CAMK2D: variants seen among roughly 807,000 people sequenced by gnomAD.
CAMK2D encodes calcium/calmodulin dependent protein kinase II delta.
A neutral mutation model predicts 84.0 loss-of-function variants in CAMK2D; 37 were observed. The ratio of observed to expected loss-of-function variants is 0.44; its 90% CI spans 0.34 to 0.58. The LOEUF is 0.58. Among genes scored for constraint, CAMK2D ranks in the 20% least tolerant of loss-of-function variants. The pLI, the probability that CAMK2D is intolerant of heterozygous loss-of-function variation, is 0.02. For synonymous variants in CAMK2D, 202 were observed against 212.5 expected (o/e 0.95, Z 0.43); for missense variants, 448 against 652.5 (o/e 0.69, Z 3.41).
intron 2 of CAMK2D, among the ~76,000 whole-genome samples, chr4:113,743,090 T>G (rs1297860234): frequency 2.0e-5 from 3 of 152,204 alleles, no homozygotes; most frequent in African/African-American, 7.2e-5. Context: ...GACATCATTC[T>G]GGCCGTTATT....
chr4:113,607,040 A>C (rs142756624), intron 4 of CAMK2D, among the ~76,000 whole-genome samples: 275 of 152,264 alleles, frequency 1.8e-3, no homozygotes, highest in African/African-American at 5.6e-3. Flanking sequence ...CAAAAATATC[A>C]TTCAGGAATA....
chr4:113,500,215 A>G (rs1410553475), intron 16 of CAMK2D, among the ~76,000 whole-genome samples: 9 of 152,112 alleles, frequency 5.9e-5, no homozygotes, highest in Non-Finnish European at 1.0e-4. Flanking sequence ...CATTACTGCA[A>G]TGTGCTAGAA....
intron 2 of CAMK2D, among the ~76,000 whole-genome samples, chr4:113,720,736 A>G (rs1338849317): frequency 1.3e-5 from 2 of 151,996 alleles, no homozygotes; most frequent in East Asian, 3.9e-4. Context: ...CTATCCTTTC[A>G]AGCAGAACCA....
chr4:113,492,405 T>C (rs2097856766), intron 16 of CAMK2D, among the ~76,000 whole-genome samples: 1 of 152,248 alleles, frequency 6.6e-6, no homozygotes, highest in South Asian at 2.1e-4. Flanking sequence ...ATGTACCCAG[T>C]AGTCATTCAG....
intron 5 of CAMK2D, 57 bp from the exon 6 acceptor site, chr4:113,547,773 A>T: frequency 8.8e-7 from 1 of 1,135,004 alleles, no homozygotes; most frequent in South Asian, 1.4e-5. Flanking sequence ...CACTGTCTGT[A>T]TACCCTCAGA....
In CAMK2D at chr4:113,661,789, CAG is replaced by C. The variant is rs767905663; in HGVS notation, c.161-19_161-18del. On this transcript the variant is annotated intron_variant, in intron 2 of 20. Coordinates refer to ENST00000511664, the MANE Select transcript of CAMK2D (RefSeq NM_001321571.2). Reference sequence around the variant, plus strand: ...TCTGATGATCTGTTAAAAAAAAAAACAGAATAAGGCAAAAATAAAGCAAAAAA... The same window carrying C: ...TCTGATGATCTGTTAAAAAAAAAAACAATAAGGCAAAAATAAAGCAAAAAA... 4 of 1,288,482 alleles carry C rather than the reference CAG, an allele frequency of 3.1e-6. No individual in the cohort carries two copies. The highest frequency in any genetic ancestry group is 2.9e-5 in the South Asian group (2 of 68,638). 79.8% of individuals were successfully genotyped at this position (1,288,482 alleles called of 1,614,324 possible).
At chr4:113,681,950 G>A (rs2099347200) in intron 2 of CAMK2D, among the ~76,000 whole-genome samples, 1 of 151,754 alleles carries the variant, frequency 6.6e-6, no homozygotes, top group African/African-American at 2.4e-5. Context: ...CCAGCACAAA[G>A]TATGTCTGTA....
chr4:113,706,335 T>C (rs1263188684), intron 2 of CAMK2D, among the ~76,000 whole-genome samples: 3 of 152,070 alleles, frequency 2.0e-5, no homozygotes, highest in Non-Finnish European at 4.4e-5. Context: ...AAAATGAAAA[T>C]GGTAGGTGCA....
intron 2 of CAMK2D, among the ~76,000 whole-genome samples, chr4:113,748,434 T>C (rs1406735456): frequency 2.0e-5 from 3 of 152,108 alleles, no homozygotes; most frequent in Admixed American, 6.6e-5. Context: ...TGATATTTAA[T>C]CCTCTAACCC....
chr4:113,713,686 T>A (rs1457150983), intron 2 of CAMK2D, among the ~76,000 whole-genome samples: 1 of 151,426 alleles, frequency 6.6e-6, no homozygotes, highest in East Asian at 1.9e-4. Context: ...ACAACTTCAA[T>A]CAATTCTTAT....
At chr4:113,650,069 G>C (rs1050402070) in intron 3 of CAMK2D, among the ~76,000 whole-genome samples, 1 of 151,842 alleles carries the variant, frequency 6.6e-6, no homozygotes, top group African/African-American at 2.4e-5. Flanking sequence ...CAGAGTGACA[G>C]AGTGAGACTT....
intron 1 of CAMK2D, among the ~76,000 whole-genome samples, chr4:113,760,352 G>A (rs988933290): frequency 2.0e-5 from 3 of 152,154 alleles, no homozygotes; most frequent in Admixed American, 2.0e-4. Context: ...AGAACGCAAA[G>A]ATGCACACGT....
At chr4:113,501,554 A>G (rs2098046031) in intron 15 of CAMK2D, among the ~76,000 whole-genome samples, 1 of 152,080 alleles carries the variant, frequency 6.6e-6, no homozygotes, top group African/African-American at 2.4e-5. Flanking sequence ...ATTTATATAA[A>G]TATCATATAC....
chr4:113,559,765 C>T (rs994386250), intron 4 of CAMK2D, among the ~76,000 whole-genome samples: 7 of 152,182 alleles, frequency 4.6e-5, no homozygotes, highest in African/African-American at 1.7e-4. Flanking sequence ...GAAAAATGAG[C>T]ATTTATTTAG....
At chr4:113,740,864 AG>A (rs1169704180) in intron 2 of CAMK2D, among the ~76,000 whole-genome samples, 1 of 152,196 alleles carries the variant, frequency 6.6e-6, no homozygotes, top group Non-Finnish European at 1.5e-5. Flanking sequence ...TTGCTTTCTG[AG>A]GTTTCAGCTA....
chr4:113,469,622 T>A (rs2097523460), intron 16 of CAMK2D, among the ~76,000 whole-genome samples: 1 of 152,292 alleles, frequency 6.6e-6, no homozygotes, highest in Admixed American at 6.5e-5. Context: ...GTCAAGGCTA[T>A]TTTTGAGCCT....
At chr4:113,755,209 A>ACACACAC (rs1562246672) in intron 2 of CAMK2D, 2 of 173,794 alleles carry the variant, frequency 1.2e-5, no homozygotes, top group African/African-American at 7.0e-5. Context: ...CACACACACA[A>ACACACAC]AACATTTAGA....
At chr4:113,681,884 T>C (rs1171328376) in intron 2 of CAMK2D, among the ~76,000 whole-genome samples, 1 of 152,072 alleles carries the variant, frequency 6.6e-6, no homozygotes, top group Non-Finnish European at 1.5e-5. Context: ...AAAAACAGCC[T>C]TTTCCAGTTC....
Position 113,760,987 on chromosome 4 carries a change from C to A in CAMK2D, c.65+17G>T, listed in dbSNP as rs1252752151. ...AGCTGGAAAGGGGATATGCGGATGCCGGGCAAAGGTGCTTACTTTCCAAGC... is the reference window on the plus strand; with the variant it reads ...AGCTGGAAAGGGGATATGCGGATGCAGGGCAAAGGTGCTTACTTTCCAAGC... On this transcript the variant is annotated intron_variant, in intron 1 of 20. Transcript: ENST00000511664. The A allele has an allele frequency of 1.2e-6, 2 of 1,614,104 alleles. No homozygotes were observed. The highest frequency in any genetic ancestry group is 1.7e-6 in the Non-Finnish European group (2 of 1,179,998).
Sources: allele counts gnomAD v4.1 joint callset (sites outside exome capture counted in the v4.1 genomes callset), GRCh38; gene constraint gnomAD v4.1.1; transcripts MANE v1.5; gene names NCBI Gene and HGNC (gene_info 2026-07-23, HGNC 2026-07-21).